COQ8B: variants seen among roughly 807,000 people sequenced by gnomAD.
COQ8B encodes the protein atypical kinase COQ8B, mitochondrial.
COQ8B carries 44 observed loss-of-function variants against 62.0 expected under a neutral mutation model. The observed-to-expected ratio is 0.71, with a 90% confidence interval of 0.56 to 0.91. COQ8B has a LOEUF of 0.91. Among genes scored for constraint, COQ8B ranks in the 40% least tolerant of loss-of-function variants. COQ8B has a pLI of 0.00. For missense variants in COQ8B, 649 were observed against 731.6 expected (o/e 0.89, Z 1.30); for synonymous variants, 252 against 289.9 (o/e 0.87, Z 1.33).
intron 12 of COQ8B, among the ~76,000 whole-genome samples, chr19:40,697,025 C>T (rs1259821508): frequency 6.6e-6 from 1 of 152,084 alleles, no homozygotes; most frequent in Non-Finnish European, 1.5e-5. Flanking sequence ...TATCACAGTG[C>T]ATTTATCTGG....
intron 5 of COQ8B, among the ~76,000 whole-genome samples, chr19:40,708,574 G>A (rs1483040367): frequency 6.6e-6 from 1 of 151,982 alleles, no homozygotes; most frequent in African/African-American, 2.4e-5. Context: ...GTGGGGTGTA[G>A]ACTCAGGCTG....
chr19:40,715,321 T>G, intron 1 of COQ8B: 1 of 985,766 alleles, frequency 1.0e-6, no homozygotes, highest in Non-Finnish European at 1.2e-6. Flanking sequence ...GCCCTTCCAC[T>G]CACCTCAAAG....
At chr19:40,705,067 C>A in intron 7 of COQ8B, 29 bp downstream of exon 7, 2 of 1,572,776 alleles carry the variant, frequency 1.3e-6, no homozygotes, top group East Asian at 2.3e-5. Context: ...GCCTGCCTCC[C>A]TCACCGCCCT....
intron 10 of COQ8B, among the ~76,000 whole-genome samples, chr19:40,702,055 G>A (rs907797601): frequency 1.3e-5 from 2 of 152,212 alleles, no homozygotes; most frequent in African/African-American, 4.8e-5. Flanking sequence ...GTTTGGGGCT[G>A]TTGCAGACAA....
At chr19:40,705,246 T>A (rs1032443173) in intron 6 of COQ8B, 65 bp from the exon 7 acceptor site, 35 of 1,594,594 alleles carry the variant, frequency 2.2e-5, no homozygotes, top group Non-Finnish European at 2.8e-5. Flanking sequence ...CGTGTGAGTA[T>A]CTGAAGTTGG....
chr19:40,704,488 C>T (rs2082085393), intron 7 of COQ8B: 1 of 153,266 alleles, frequency 6.5e-6, no homozygotes, highest in Non-Finnish European at 1.5e-5. Flanking sequence ...TTATTATTAA[C>T]TCACAGTTAC....
In COQ8B at chr19:40,703,733, C is replaced by T; in HGVS notation, c.699G>A (p.Glu233=). ...VHQGLLRDGT[E]VAVKIQYPGI... ...CTCTCACCTGGATCTTCACGGCCAC[C>T]TCCGTCCCGTCCCTCAGCAGGCCCT... The change falls in exon 8 of 15, where the codon GAG becomes GAA. Residue 233 remains glutamate, a synonymous_variant. Transcript: ENST00000324464. 1 of 1,614,140 alleles carries T rather than the reference C, an allele frequency of 6.2e-7. No homozygotes were observed. Among genetic ancestry groups the T allele is most frequent in the Non-Finnish European group, 8.5e-7 (1 of 1,180,018 alleles).
At chr19:40,707,770 A>G (rs945915457) in intron 5 of COQ8B, among the ~76,000 whole-genome samples, 2 of 152,192 alleles carry the variant, frequency 1.3e-5, no homozygotes, top group African/African-American at 4.8e-5. Flanking sequence ...TAGTGTTTTC[A>G]AGATTCATCT....
intron 10 of COQ8B, 28 bp downstream of exon 10, chr19:40,702,572 G>A (rs1300766731): frequency 1.2e-6 from 2 of 1,609,966 alleles, no homozygotes; most frequent in Admixed American, 1.7e-5. Context: ...AGGGAGGGAA[G>A]GAGGGAAGCT....
intron 4 of COQ8B, 61 bp downstream of exon 4, chr19:40,714,006 A>G (rs1280737613): frequency 1.4e-5 from 22 of 1,560,128 alleles, no homozygotes; most frequent in Non-Finnish European, 1.9e-5. Flanking sequence ...CCTTGCTTCA[A>G]TCTGTAAATG....
intron 1 of COQ8B, chr19:40,715,164 G>A: frequency 2.0e-6 from 2 of 985,932 alleles, no homozygotes; most frequent in Non-Finnish European, 2.4e-6. Context: ...GCAGCAACTC[G>A]CTGACTGGCA....
intron 13 of COQ8B, 62 bp from the exon 14 acceptor site, chr19:40,693,099 AG>A (rs1285808164): frequency 6.9e-6 from 10 of 1,443,054 alleles, no homozygotes; most frequent in Non-Finnish European, 9.7e-6. Context: ...TCTGGAGAAG[AG>A]GAGCTGGAAG....
chr19:40,700,503 C>A, intron 10 of COQ8B, 52 bp from the exon 11 acceptor site: 1 of 1,586,364 alleles, frequency 6.3e-7, no homozygotes, highest in Non-Finnish European at 8.6e-7. Context: ...GGCTTGTGAC[C>A]CAGCTTGAGA....
chr19:40,700,648 G>T, intron 10 of COQ8B, 197 bp from the exon 11 acceptor site: 1 of 665,984 alleles, frequency 1.5e-6, no homozygotes, highest in Non-Finnish European at 2.5e-6. Flanking sequence ...GTATCTCCAA[G>T]GTGCCTACTC....
At chr19:40,695,867 G>A in intron 13 of COQ8B, 122 bp downstream of exon 13, 1 of 1,020,758 alleles carries the variant, frequency 9.8e-7, no homozygotes, top group Non-Finnish European at 1.5e-6. Context: ...GTTGCTACGA[G>A]TATTACTATT....
At chr19:40,700,637 A>G (rs2082054105) in intron 10 of COQ8B, 186 bp from the exon 11 acceptor site, 1 of 703,138 alleles carries the variant, frequency 1.4e-6, no homozygotes, top group Non-Finnish European at 2.3e-6. Context: ...AGATTTAACA[A>G]GTATCTCCAA....
At chr19:40,711,959 C>T (rs545229458) in intron 4 of COQ8B, among the ~76,000 whole-genome samples, 2 of 152,234 alleles carry the variant, frequency 1.3e-5, no homozygotes, top group African/African-American at 4.8e-5. Flanking sequence ...CAGCCTGGTG[C>T]CAAAGCTCTA....
At position 40,692,393 on chromosome 19, in the gene COQ8B, G is replaced by C. The variant is rs1296458750; in HGVS notation, c.1297-20C>G. On this transcript the variant is annotated intron_variant, in intron 14 of 14. Transcript: ENST00000324464. ...GAATGCCTGGGAGTGGGGGTGGGGG[G>C]AGAGCAAAGGCAGCCAGTGTGGACA... The C allele has an allele frequency of 6.2e-7, 1 of 1,607,648 alleles. No individual in the cohort carries two copies. Among genetic ancestry groups the C allele is most frequent in the Admixed American group, 1.7e-5 (1 of 59,802 alleles).
chr19:40,705,537 G>A, intron 5 of COQ8B, 90 bp from the exon 6 acceptor site: 10 of 1,391,588 alleles, frequency 7.2e-6, no homozygotes, highest in Non-Finnish European at 8.5e-6. Flanking sequence ...CCAGCACTTT[G>A]GGAGACCCAG....
Sources: gnomAD v4.1 joint callset for allele counts (sites outside exome capture counted in the v4.1 genomes callset) on GRCh38, gnomAD v4.1.1 for gene constraint, MANE v1.5 for transcripts, NCBI Gene and HGNC (gene_info 2026-07-23, HGNC 2026-07-21) for gene names.